INKA2: variants seen among roughly 807,000 people sequenced by gnomAD.
INKA2 encodes inka box actin regulator 2, also known as PAK4-inhibitor INKA2.
INKA2 carries 3 observed loss-of-function variants against 9.8 expected under a neutral mutation model. The ratio of observed to expected loss-of-function variants is 0.31; its 90% confidence interval spans 0.14 to 0.79. INKA2 has a LOEUF of 0.79. INKA2 is among the 30% of genes least tolerant of loss of function. INKA2 has a pLI of 0.62. For synonymous variants in INKA2, 147 were observed against 143.3 expected (o/e 1.03, Z -0.18); for missense variants, 392 against 384.4 (o/e 1.02, Z -0.17).
chr1:111,734,962 G>A (rs1030271815), intron 1 of INKA2, among the ~76,000 whole-genome samples: 10 of 152,186 alleles, frequency 6.6e-5, no homozygotes, highest in Non-Finnish European at 1.3e-4. Context: ...TCAGACTGGC[G>A]GGGTTTGAAT....
At chr1:111,744,506 G>A (rs1389313393) in intron 1 of INKA2, 1 of 151,792 alleles carries the variant, frequency 6.6e-6, no homozygotes, top group Non-Finnish European at 1.5e-5. Context: ...GTGGACTATT[G>A]AAATGATGAA....
rs992829982 is a variant in INKA2, at chr1:111,723,234, C to G, written c.*3734G>C. The G allele has an allele frequency of 1.7e-5, 10 of 597,684 alleles. No individual in the cohort carries two copies. The highest frequency in any genetic ancestry group is 5.7e-5 in the African/African-American group (3 of 52,862). 37.0% of individuals were successfully genotyped at this position (597,684 alleles called of 1,614,324 possible). ...GTGTGACTTGGGAAAGATGGAGGAG[C>G]CTCTCCCCAACAAGGCCCTAGGGAG... On this transcript the variant is annotated 3_prime_UTR_variant, in exon 2 of 2. Transcript: ENST00000357260.
chr1:111,743,461 T>G (rs143911126), upstream of INKA2, among the ~76,000 whole-genome samples: 2 of 152,260 alleles, frequency 1.3e-5, no homozygotes, highest in Non-Finnish European at 2.9e-5. Flanking sequence ...GTGGCCCCCT[T>G]TGTCCCACTG....
At chr1:111,739,424 C>T, upstream of INKA2, 3 of 1,461,512 alleles carry the variant, frequency 2.1e-6, no homozygotes, top group South Asian at 1.4e-5. Context: ...CGCGCGCGGT[C>T]GGTGCTGGGG....
At chr1:111,741,074 C>T (rs1296905097), upstream of INKA2, among the ~76,000 whole-genome samples, 1 of 113,948 alleles carries the variant, frequency 8.8e-6, no homozygotes, top group Non-Finnish European at 1.8e-5. Flanking sequence ...AGACATGGCG[C>T]GGGGAGGGAG....
chr1:111,739,282 G>A lies in INKA2; in HGVS notation c.-40C>T. ...GGTTCGGTTCAAACAGAGAGGGCCC[G>A]GGTGAAACCCCGGCCCCACTGGAAA... On this transcript the variant is annotated 5_prime_UTR_variant, in exon 1 of 2. Transcript: ENST00000357260. 1 of 1,612,298 alleles carries A rather than the reference G, an allele frequency of 6.2e-7. No homozygotes were observed. The highest frequency in any genetic ancestry group is 1.1e-5 in the South Asian group (1 of 90,910).
intron 1 of INKA2, among the ~76,000 whole-genome samples, chr1:111,751,418 T>C (rs1663409971): frequency 6.6e-6 from 1 of 152,260 alleles, no homozygotes; most frequent in African/African-American, 2.4e-5. Flanking sequence ...GCTACTTGCA[T>C]ATTTCATGCT....
chr1:111,739,670 G>A (rs975929284), upstream of INKA2, among the ~76,000 whole-genome samples: 1 of 152,230 alleles, frequency 6.6e-6, no homozygotes, highest in Non-Finnish European at 1.5e-5. Context: ...TGACCCTCGT[G>A]TGGTCATAAA....
chr1:111,727,460 C>T lies in INKA2; in HGVS notation c.402G>A (p.Glu134=), dbSNP rs773938631. Residue 134 remains glutamate, a synonymous_variant, in exon 2 of 2, where the codon GAG becomes GAA. Transcript: ENST00000357260. ...AGGTCCAGTCATCCGGTTCCACTCG[C>T]TCTGGCCCCTGCTGAGCACAGCTTT... ...PHQSCAQQGP[E]RVEPDDWTST... 2 of 1,614,260 alleles carry T rather than the reference C, an allele frequency of 1.2e-6. No homozygotes were observed. The highest frequency in any genetic ancestry group is 1.7e-6 in the Non-Finnish European group (2 of 1,180,054).
intron 1 of INKA2, among the ~76,000 whole-genome samples, chr1:111,738,961 T>A (rs551512677): frequency 2.6e-5 from 4 of 152,324 alleles, no homozygotes; most frequent in African/African-American, 9.6e-5. Flanking sequence ...TCTGTCTCTC[T>A]GTCACTTGTT....
intron 1 of INKA2, among the ~76,000 whole-genome samples, chr1:111,733,824 C>A (rs1422041511): frequency 1.3e-5 from 2 of 152,186 alleles, no homozygotes; most frequent in African/African-American, 2.4e-5. Context: ...CCCGACTGAT[C>A]CCGCAGCTGT....
At chr1:111,743,023 C>T (rs1463493451), upstream of INKA2, among the ~76,000 whole-genome samples, 1 of 152,182 alleles carries the variant, frequency 6.6e-6, no homozygotes, top group South Asian at 2.1e-4. Context: ...AAAATAGCTG[C>T]CTTCTGCTTT....
chr1:111,739,076 G>A lies in INKA2; in HGVS notation c.57+110C>T. 3 of 1,047,992 alleles carry A rather than the reference G, an allele frequency of 2.9e-6. No homozygotes were observed. The East Asian group carries it at 7.6e-5, about 27-fold the overall frequency. 64.9% of individuals were successfully genotyped at this position (1,047,992 alleles called of 1,614,324 possible). On this transcript the variant is annotated intron_variant, in intron 1 of 1. Transcript: ENST00000357260. ...GCCCGCGTCCTCTCCTCTCTTCCCT[G>A]GCCCTCCTCCGCCCTGCTTACGTCC... is the stretch of plus-strand genomic sequence containing the variant.
intron 1 of INKA2, among the ~76,000 whole-genome samples, chr1:111,733,590 A>T (rs144750824): frequency 6.6e-6 from 1 of 152,306 alleles, no homozygotes; most frequent in Non-Finnish European, 1.5e-5. Context: ...AAGAGGGAAG[A>T]GGAACTGCCT....
chr1:111,738,650 C>T (rs1489969364), intron 1 of INKA2, among the ~76,000 whole-genome samples: 1 of 152,136 alleles, frequency 6.6e-6, no homozygotes, highest in Non-Finnish European at 1.5e-5. Flanking sequence ...CCAGCTCTGC[C>T]AAGCCCGGCA....
intron 1 of INKA2, among the ~76,000 whole-genome samples, chr1:111,749,501 C>G (rs1371779138): frequency 6.6e-6 from 1 of 152,082 alleles, no homozygotes; most frequent in East Asian, 1.9e-4. Context: ...GCAGACAGTT[C>G]AAAATTCCAG....
At position 111,726,665 on chromosome 1, in the gene INKA2, C is replaced by A; in HGVS notation, c.*303G>T. Reference sequence around the variant, plus strand: ...CTCCTCTGCCCTCACCTACTGTCACCTCCAGCCCCAAAGTGAGTGCATGCA... The same window carrying A: ...CTCCTCTGCCCTCACCTACTGTCACATCCAGCCCCAAAGTGAGTGCATGCA... On this transcript the variant is annotated 3_prime_UTR_variant, in exon 2 of 2. Coordinates refer to ENST00000357260, the MANE Select transcript of INKA2 (RefSeq NM_019099.5). 1 of 380,956 alleles carries A rather than the reference C, an allele frequency of 2.6e-6. No individual in the cohort carries two copies. Among genetic ancestry groups the A allele is most frequent in the South Asian group, 3.7e-5 (1 of 26,880 alleles). The allele number at this position is 380,956 out of a possible 1,614,324, so 23.6% of individuals were successfully genotyped here.
chr1:111,743,829 C>T (rs547764583), upstream of INKA2, among the ~76,000 whole-genome samples: 17 of 152,386 alleles, frequency 1.1e-4, no homozygotes, highest in African/African-American at 2.6e-4. Flanking sequence ...TCCTTGCCCC[C>T]GACTGTGGCT....
chr1:111,752,725 G>A (rs1288467711), intron 1 of INKA2, among the ~76,000 whole-genome samples: 1 of 150,272 alleles, frequency 6.7e-6, no homozygotes, highest in African/African-American at 2.5e-5. Flanking sequence ...ACGGAGTCTC[G>A]CTCTGTTGCC....
Sources: gnomAD v4.1 joint callset for allele counts (sites outside exome capture counted in the v4.1 genomes callset) on GRCh38, gnomAD v4.1.1 for gene constraint, MANE v1.5 for transcripts, NCBI Gene and HGNC (gene_info 2026-07-23, HGNC 2026-07-21) for gene names.